Variants in RBM5 observed in about 807,000 individuals in gnomAD.
The protein encoded by RBM5 is RNA binding motif protein 5, also known as RNA-binding protein 5.
RBM5 carries 15 observed loss-of-function variants against 124.6 expected under a neutral mutation model. That is an observed-to-expected ratio of 0.12 (90% CI 0.08 to 0.19). RBM5 has a LOEUF of 0.19. Among genes scored for constraint, RBM5 ranks in the 10% least tolerant of loss-of-function variants. RBM5 has a pLI of 1.00. For missense variants in RBM5, 580 were observed against 1,026.5 expected (o/e 0.57, Z 5.94); for synonymous variants, 337 against 361.2 (o/e 0.93, Z 0.76).
intron 4 of RBM5, among the ~76,000 whole-genome samples, chr3:50,095,536 ACCCTTCCT>A (rs893114378): frequency 2.6e-5 from 4 of 151,610 alleles, no homozygotes; most frequent in African/African-American, 9.7e-5. Flanking sequence ...TCTGGTCCTC[ACCCTTCCT>A]TCCAGCCACA....
At chr3:50,090,556 C>T in intron 2 of RBM5, 105 bp downstream of exon 2, 10 of 1,332,468 alleles carry the variant, frequency 7.5e-6, no homozygotes, top group Admixed American at 1.9e-5. Flanking sequence ...TTGCGCCAGG[C>T]ATTGCTAACG....
intron 16 of RBM5, 86 bp from the exon 17 acceptor site, chr3:50,110,593 G>T: frequency 7.0e-7 from 1 of 1,437,300 alleles, no homozygotes; most frequent in Non-Finnish European, 9.7e-7. Flanking sequence ...AGAAACATTA[G>T]GCCTGCTGCA....
At chr3:50,113,583 G>A (rs749107642) in intron 18 of RBM5, 39 bp downstream of exon 18, 26 of 1,561,378 alleles carry the variant, frequency 1.7e-5, no homozygotes, top group Non-Finnish European at 2.2e-5. Flanking sequence ...TGAGGTATTG[G>A]GCTGAACTCT....
In RBM5 at chr3:50,106,882, C is replaced by A. The variant is rs2091043228; in HGVS notation, c.953+18C>A. 9.0e-6 allele frequency: 14 copies of A among 1,551,780 alleles called. No individual in the cohort carries two copies. The highest frequency in any genetic ancestry group is 2.2e-5 in the South Asian group (2 of 89,738). The stretch of plus-strand genomic sequence containing the variant: ...GCCAGAAAGTGAGTGGCTTCATTGT[C>A]CTTATTTCAAACTACTGCATATGCA... On this transcript the variant is annotated intron_variant, in intron 11 of 24. Coordinates refer to ENST00000347869, the MANE Select transcript of RBM5 (RefSeq NM_005778.4).
intron 20 of RBM5, 186 bp downstream of exon 20, chr3:50,114,437 G>A: frequency 1.8e-6 from 1 of 558,644 alleles, no homozygotes; most frequent in Non-Finnish European, 3.1e-6. Context: ...GAGCAGATGA[G>A]ATGGAGTGAT....
At chr3:50,097,829 G>T (rs900844388) in intron 4 of RBM5, among the ~76,000 whole-genome samples, 3 of 152,136 alleles carry the variant, frequency 2.0e-5, no homozygotes, top group Admixed American at 6.5e-5. Context: ...GGCCTGGTGC[G>T]GTGGCTCACG....
In RBM5 at chr3:50,106,790, A is replaced by G; in HGVS notation, c.879A>G (p.Ile293Met). ...AGGATGCTTCTCAGCTGCTTCAGATATTACAGAGTCTCCATCCTCCTTTGA... is the reference window on the plus strand; with the variant it reads ...AGGATGCTTCTCAGCTGCTTCAGATGTTACAGAGTCTCCATCCTCCTTTGA... ...SAMDASQLLQ[I>M]LQSLHPPLKI... is the part of the protein sequence containing the mutation. The change falls in exon 11 of 25, where the codon ATA becomes ATG. Residue 293 changes from isoleucine to methionine, a missense_variant. Coordinates refer to ENST00000347869, the MANE Select transcript of RBM5 (RefSeq NM_005778.4). The G allele has an allele frequency of 6.2e-7, 1 of 1,612,134 alleles. No individual in the cohort carries two copies. Among genetic ancestry groups the G allele is most frequent in the Non-Finnish European group, 8.5e-7 (1 of 1,178,216 alleles).
In RBM5 at chr3:50,115,936, C is replaced by A. The variant is rs767904124; in HGVS notation, c.2050C>A (p.Leu684Met). ...CATGGACATCTATCGACGATCCAGG[C>A]TGAGCGAGCAGGAGCTGGAAGCCTT... ...QNMDIYRRSRLSEQELEALEL... is the reference protein window; with the variant it reads ...QNMDIYRRSRMSEQELEALEL... The change falls in exon 22 of 25, where the codon CTG (leucine) becomes ATG (methionine). Residue 684 changes from leucine (L) to methionine (M), a missense_variant. This residue lies in a region of RBM5 where 234 missense variants were observed against 435.1 expected (regional missense o/e 0.54). Coordinates refer to ENST00000347869, the MANE Select transcript of RBM5 (RefSeq NM_005778.4). 1 of 1,613,930 alleles carries A rather than the reference C, an allele frequency of 6.2e-7. No homozygotes were observed. Among genetic ancestry groups the A allele is most frequent in the South Asian group, 1.1e-5 (1 of 91,080 alleles).
At chr3:50,094,837 C>G (rs1445369657) in intron 4 of RBM5, among the ~76,000 whole-genome samples, 1 of 152,170 alleles carries the variant, frequency 6.6e-6, no homozygotes, top group Non-Finnish European at 1.5e-5. Context: ...CAACCTGTAT[C>G]TATCTCAGCT....
At chr3:50,098,105 T>C (rs1374955929) in intron 4 of RBM5, among the ~76,000 whole-genome samples, 5 of 152,064 alleles carry the variant, frequency 3.3e-5, no homozygotes, top group Non-Finnish European at 7.4e-5. Flanking sequence ...TCAAAAAAAT[T>C]TAAAAAAAAG....
At chr3:50,097,171 G>A (rs1188139952) in intron 4 of RBM5, among the ~76,000 whole-genome samples, 3 of 152,078 alleles carry the variant, frequency 2.0e-5, no homozygotes, top group South Asian at 2.1e-4. Flanking sequence ...TGAGGCAGGC[G>A]GATCACAAGG....
At chr3:50,116,162 T>G in intron 22 of RBM5, 182 bp downstream of exon 22, 1 of 595,846 alleles carries the variant, frequency 1.7e-6, no homozygotes, top group Non-Finnish European at 3.0e-6. Flanking sequence ...AGCCTCACAT[T>G]GTCCCTTCAT....
chr3:50,109,482 T>A (rs1425384301), intron 14 of RBM5, 121 bp from the exon 15 acceptor site: 1 of 750,256 alleles, frequency 1.3e-6, no homozygotes, highest in African/African-American at 1.8e-5. Context: ...TAGTGGAAGT[T>A]AGCTTATGAA....
At chr3:50,107,676 T>A in intron 12 of RBM5, 107 bp downstream of exon 12, 6 of 304,134 alleles carry the variant, frequency 2.0e-5, no homozygotes, top group East Asian at 1.1e-4. Flanking sequence ...TCTTTTCTTT[T>A]TTTTTTTTTT....
intron 22 of RBM5, chr3:50,116,745 C>T (rs373389208): frequency 8.7e-6 from 3 of 346,684 alleles, no homozygotes; most frequent in African/African-American, 2.1e-5. Flanking sequence ...CTGAGGAGAA[C>T]GGGCAACTCT....
chr3:50,092,390 G>A (rs889225462), intron 3 of RBM5, among the ~76,000 whole-genome samples, 182 bp downstream of exon 3: 1 of 151,816 alleles, frequency 6.6e-6, no homozygotes, highest in African/African-American at 2.4e-5. Flanking sequence ...AGTAAAACCC[G>A]TCTCTACTAA....
At chr3:50,099,203 C>T (rs2090888322) in intron 4 of RBM5, among the ~76,000 whole-genome samples, 1 of 151,468 alleles carries the variant, frequency 6.6e-6, no homozygotes, top group South Asian at 2.1e-4. Flanking sequence ...TTGCAGTGAG[C>T]TGAGATCACA....
chr3:50,110,595 C>A, intron 16 of RBM5, 84 bp from the exon 17 acceptor site: 2 of 1,432,016 alleles, frequency 1.4e-6, no homozygotes, highest in South Asian at 1.2e-5. Context: ...AAACATTAGG[C>A]CTGCTGCATC....
At position 50,117,844 on chromosome 3, in the gene RBM5, A is replaced by T. The variant is rs1441278551; in HGVS notation, c.2322+465A>T. 5.8e-6 allele frequency: 1 copy of T among 172,460 alleles called. No homozygotes were observed. Among genetic ancestry groups the T allele is most frequent in the East Asian group, 1.6e-4 (1 of 6,408 alleles). The allele number at this position is 172,460 out of a possible 1,614,324, so 10.7% of individuals were successfully genotyped here. On this transcript the variant is annotated intron_variant, in intron 24 of 24. Coordinates refer to ENST00000347869, the MANE Select transcript of RBM5 (RefSeq NM_005778.4). The surrounding 1 kb of genome is among the most constrained non-coding windows in gnomAD (Gnocchi z 4.2). The stretch of plus-strand genomic sequence containing the variant: ...AATCTTTAAATTGATCAGAGCCCAC[A>T]TTGAGGCATCATATCCCAGGATCGG...
Sources: allele counts gnomAD v4.1 joint callset (sites outside exome capture counted in the v4.1 genomes callset), GRCh38; gene constraint gnomAD v4.1.1; regional missense constraint gnomAD v4.1.1; non-coding constraint Gnocchi (gnomAD v3.1); transcripts MANE v1.5; gene names NCBI Gene and HGNC (gene_info 2026-07-23, HGNC 2026-07-21).